The following DVL1 variants were observed in gnomAD, a reference collection of about 807,000 sequenced individuals.
DVL1 encodes dishevelled segment polarity protein 1, also known as segment polarity protein dishevelled homolog DVL-1.
A neutral mutation model predicts 65.0 loss-of-function variants in DVL1; 49 were observed. The observed-to-expected ratio is 0.75, with a 90% confidence interval of 0.60 to 0.96. The LOEUF (loss-of-function observed/expected upper bound fraction) is 0.96, where lower values mean the gene tolerates loss of function less well. Among genes scored for constraint, DVL1 ranks in the 40% least tolerant of loss-of-function variants. The pLI is 0.00. For missense variants in DVL1, 1,197 were observed against 1,045.4 expected, an observed-to-expected ratio of 1.15 and a Z score of -2.00; for synonymous variants, 608 against 433.9, an observed-to-expected ratio of 1.40 and a Z score of -4.99.
intron 1 of DVL1, among the ~76,000 whole-genome samples, chr1:1,348,116 A>C (rs1009423411): frequency 2.0e-5 from 3 of 152,140 alleles, no homozygotes; most frequent in Non-Finnish European, 2.9e-5. Context: ...GACTCAGGTT[A>C]CTGGTGGCTG....
chr1:1,347,502 G>A (rs141176645), intron 1 of DVL1, among the ~76,000 whole-genome samples: 19 of 152,334 alleles, frequency 1.2e-4, no homozygotes, highest in South Asian at 4.1e-4. Context: ...CCCAGAGCAT[G>A]GTCCAGGAGC....
intron 14 of DVL1, 85 bp downstream of exon 14, chr1:1,337,892 G>A: frequency 9.6e-7 from 1 of 1,044,178 alleles, no homozygotes; most frequent in East Asian, 2.6e-5. Flanking sequence ...AGCGGGGTGG[G>A]GTGGAACTGG....
chr1:1,341,100 C>T (rs1484833430), intron 5 of DVL1, among the ~76,000 whole-genome samples: 1 of 149,870 alleles, frequency 6.7e-6, no homozygotes, highest in Non-Finnish European at 1.5e-5. Context: ...GGCACACCTG[C>T]ACACACCTGC....
At chr1:1,347,056 G>T (rs558660135) in intron 1 of DVL1, among the ~76,000 whole-genome samples, 5 of 152,222 alleles carry the variant, frequency 3.3e-5, no homozygotes, top group South Asian at 2.1e-4. Context: ...GGCTCCTGAG[G>T]CCACCAGCCA....
At position 1,336,268 on chromosome 1, in the gene DVL1, C is replaced by T; in HGVS notation, c.1962G>A (p.Val654=). Residue 654 remains valine (V), a synonymous_variant, in exon 15 of 15, where the codon GTG becomes GTA. Coordinates refer to ENST00000378888, the MANE Select transcript of DVL1 (RefSeq NM_001330311.2). ...CAGGGGGTCCCCCGGGTGGCCCCCC[C>T]ACCACTGTATAGGCCTTGGTCGTGG... ...PHPTTKAYTV[V]GGPPGGPPVR... 6.4e-7 allele frequency: 1 copy of T among 1,563,606 alleles called. No individual in the cohort carries two copies. Among genetic ancestry groups the T allele is most frequent in the Middle Eastern group, 1.7e-4 (1 of 6,010 alleles).
At chr1:1,337,900 T>TG (rs759782304) in intron 14 of DVL1, 77 bp downstream of exon 14, 20 of 1,092,982 alleles carry the variant, frequency 1.8e-5, no homozygotes, top group African/African-American at 4.3e-5. Context: ...GGGGTGGAAC[T>TG]GGGGGCGGAG....
chr1:1,336,037 C>A lies in DVL1; in HGVS notation c.*105G>T. 3 of 1,447,300 alleles carry A rather than the reference C, an allele frequency of 2.1e-6. No homozygotes were observed. The highest frequency in any genetic ancestry group is 2.8e-6 in the Non-Finnish European group (3 of 1,084,044). 89.7% of individuals were successfully genotyped at this position (1,447,300 alleles called of 1,614,324 possible). A position where few individuals can be genotyped will look rare whatever the true frequency, so the allele number is the denominator to read the frequency against. On this transcript the variant is annotated 3_prime_UTR_variant, in exon 15 of 15. Coordinates refer to ENST00000378888, the MANE Select transcript of DVL1 (RefSeq NM_001330311.2). ...GGTGGTGGTCCAGCCTGCCCCCCAC[C>A]CTGCCTCCCGTCCTGGCCCCCACGA...
At chr1:1,336,684 G>A (rs545602123) in intron 14 of DVL1, among the ~76,000 whole-genome samples, 169 bp from the exon 15 acceptor site, 4 of 152,330 alleles carry the variant, frequency 2.6e-5, no homozygotes, top group Non-Finnish European at 2.9e-5. Flanking sequence ...AGGGTCGCAG[G>A]GGCAGCTGCG....
At chr1:1,340,965 CACCTG>C (rs1643790368) in intron 5 of DVL1, among the ~76,000 whole-genome samples, 1 of 143,570 alleles carries the variant, frequency 7.0e-6, no homozygotes, top group African/African-American at 2.6e-5. Flanking sequence ...GCACACTACA[CACCTG>C]CACAGGCACA....
chr1:1,342,137 G>A lies in DVL1; in HGVS notation c.382C>T (p.Arg128Cys), dbSNP rs762913745. The A allele has an allele frequency of 1.1e-5, 18 of 1,578,140 alleles. No homozygotes were observed. The highest frequency in any genetic ancestry group is 7.0e-5 in the South Asian group (6 of 86,290). ...PSFHPNVASS[R>C]DGMDNETGTE... ...CCTGTCTCGTTGTCCATCCCGTCAC[G>A]GCTGCTGGCCACATTTGGGCTGTGC... The change falls in exon 4 of 15, where the codon CGT (arginine) becomes TGT (cysteine). Residue 128 changes from arginine (R) to cysteine (C), a missense_variant. Physicochemically the swap from Arg to Cys is radical, Grantham distance 180 (BLOSUM62 -3). Coordinates refer to ENST00000378888, the MANE Select transcript of DVL1 (RefSeq NM_001330311.2).
intron 10 of DVL1, 71 bp from the exon 11 acceptor site, chr1:1,339,510 G>A (rs1431851465): frequency 4.5e-6 from 7 of 1,550,274 alleles, no homozygotes; most frequent in Middle Eastern, 1.7e-4. Flanking sequence ...GCAGGGCACA[G>A]AGGAGAGAGG....
At chr1:1,345,747 GA>G (rs1277258060) in intron 1 of DVL1, among the ~76,000 whole-genome samples, 2 of 152,296 alleles carry the variant, frequency 1.3e-5, no homozygotes, top group African/African-American at 2.4e-5. Flanking sequence ...GCGTGGTCCC[GA>G]ATGCACCCCA....
rs1462730664 is a variant in DVL1 at position 1,335,816 on chromosome 1, G to T, written c.*326C>A. 2.5e-6 allele frequency: 1 copy of T among 406,330 alleles called. No individual in the cohort carries two copies. The highest frequency in any genetic ancestry group is 2.9e-5 in the South Asian group (1 of 34,830). The allele number at this position is 406,330 out of a possible 1,614,324, so 25.2% of individuals were successfully genotyped here. On this transcript the variant is annotated 3_prime_UTR_variant, in exon 15 of 15. Coordinates refer to ENST00000378888, the MANE Select transcript of DVL1 (RefSeq NM_001330311.2). Reference sequence around the variant, plus strand: ...CCGCATGGACCACCCTGGGGGCCTGGGCACAGCTGTGCAGGAGGTGGGGGT... The same window carrying T: ...CCGCATGGACCACCCTGGGGGCCTGTGCACAGCTGTGCAGGAGGTGGGGGT...
chr1:1,339,145 C>A, intron 11 of DVL1, 142 bp downstream of exon 11: 1 of 1,185,760 alleles, frequency 8.4e-7, no homozygotes, highest in Non-Finnish European at 1.2e-6. Context: ...TGCCTGTGCA[C>A]ACGTCTGTGC....
intron 5 of DVL1, 131 bp downstream of exon 5, chr1:1,341,536 G>A (rs1643827311): frequency 2.5e-6 from 3 of 1,215,114 alleles, no homozygotes; most frequent in Non-Finnish European, 3.3e-6. Context: ...ACAGACATTT[G>A]CAGGCACACA....
chr1:1,347,149 C>T (rs1433174626), intron 1 of DVL1, among the ~76,000 whole-genome samples: 1 of 152,150 alleles, frequency 6.6e-6, no homozygotes, highest in African/African-American at 2.4e-5. Context: ...TCGTCTTGGA[C>T]CTCCAGCATC....
Position 1,338,432 on chromosome 1 carries a change from C to A in DVL1, c.1344G>T (p.Ala448=), listed in dbSNP as rs867144796. The A allele has an allele frequency of 6.2e-7, 1 of 1,609,848 alleles. No homozygotes were observed. The highest frequency in any genetic ancestry group is 1.1e-5 in the South Asian group (1 of 90,956). Residue 448 remains alanine, a synonymous_variant, in exon 13 of 15, where the codon GCG becomes GCT. Coordinates refer to ENST00000378888, the MANE Select transcript of DVL1 (RefSeq NM_001330311.2). ...GTGTGTACAGCCAGTCCACCACGTCCGCCCCTGGCCGGCACCAGCGGTCAG... is the reference window on the plus strand; with the variant it reads ...GTGTGTACAGCCAGTCCACCACGTCAGCCCCTGGCCGGCACCAGCGGTCAG... ...KITIANAVIG[A]DVVDWLYTHV... is the part of the protein sequence containing the mutation.
rs150617550 is a variant in DVL1 at position 1,341,799 on chromosome 1, C to T, written c.473G>A (p.Arg158Gln). Reference protein sequence around the residue: ...ARRRNREEAARTNGHPRGDRR... With the variant: ...ARRRNREEAAQTNGHPRGDRR... ...GTCTCCCCTTGGGTGCCCATTGGTC[C>T]GGGCGGCTGTGGGGGCAGCAGGTTG... is the stretch of plus-strand genomic sequence containing the variant. Residue 158 changes from arginine (R) to glutamine (Q), a missense_variant, in exon 5 of 15, where the codon CGG becomes CAG. Coordinates refer to ENST00000378888, the MANE Select transcript of DVL1 (RefSeq NM_001330311.2). 649 of 1,582,488 alleles carry T rather than the reference C, an allele frequency of 4.1e-4. 8 individuals carry two copies. The East Asian group carries it at 0.014, about 34-fold the overall frequency.
intron 10 of DVL1, 33 bp downstream of exon 10, chr1:1,339,549 C>T (rs1256232912): frequency 6.3e-7 from 1 of 1,580,484 alleles, no homozygotes; most frequent in Non-Finnish European, 8.6e-7. Context: ...GCCCCCTCCC[C>T]ATCCCGCCCC....
Sources: allele counts gnomAD v4.1 joint callset (sites outside exome capture counted in the v4.1 genomes callset), GRCh38; gene constraint gnomAD v4.1.1; transcripts MANE v1.5; gene names NCBI Gene and HGNC (gene_info 2026-07-23, HGNC 2026-07-21).